DDX47: variants seen among roughly 807,000 people sequenced by gnomAD.
DDX47 encodes probable ATP-dependent RNA helicase DDX47.
Under a neutral mutation model 58.8 loss-of-function variants are expected in DDX47, and 60 were observed. The ratio of observed to expected loss-of-function variants is 1.02; its 90% confidence interval spans 0.83 to 1.26. The LOEUF is 1.26. Ranked by LOEUF, DDX47 falls within the 50% of genes most tolerant of loss-of-function variation. The pLI, the probability that DDX47 is intolerant of heterozygous loss-of-function variation, is 0.00. For missense variants in DDX47, 530 were observed against 573.2 expected (o/e 0.92, Z 0.77); for synonymous variants, 197 against 204.6 (o/e 0.96, Z 0.32).
In DDX47 at chr12:12,827,875, TC is replaced by T. The variant is rs1429973299; in HGVS notation, c.1236+501del. Among the ~76,000 whole-genome samples the T allele has an allele frequency of 3.3e-4, 46 of 139,562 alleles. 1 individual carries two copies. Among genetic ancestry groups the T allele is most frequent in the South Asian group, 2.1e-3 (8 of 3,814 alleles). 91.6% of individuals were successfully genotyped at this position (139,562 alleles called of 152,430 possible). The stretch of plus-strand genomic sequence containing the variant: ...ACCAAGATCCAAAACTTTTCTTTTT[TC>T]TTTTTTTTTTTTTTTTTGAGATGGA... On this transcript the variant is annotated intron_variant, in intron 11 of 11. Transcript: ENST00000358007.
chr12:12,828,685 A>G (rs1287481219), intron 11 of DDX47, among the ~76,000 whole-genome samples: 5 of 152,226 alleles, frequency 3.3e-5, no homozygotes, highest in Admixed American at 6.5e-5. Context: ...AAAGTATTAC[A>G]TGTGCATTGG....
chr12:12,821,792 A>G (rs967692689), intron 4 of DDX47, 66 bp downstream of exon 4: 2 of 1,372,684 alleles, frequency 1.5e-6, no homozygotes, highest in Non-Finnish European at 2.1e-6. Context: ...CCAGTGTTGG[A>G]TAGAAAGACT....
intron 1 of DDX47, 53 bp downstream of exon 1, chr12:12,813,507 G>A (rs1862847070): frequency 3.4e-6 from 5 of 1,477,132 alleles, no homozygotes; most frequent in Non-Finnish European, 4.6e-6. Context: ...TAGGCTCAGG[G>A]AGACCCCAGG....
In DDX47 at chr12:12,818,389, C is replaced by T. The variant is rs144363509; in HGVS notation, c.182-2819C>T. Reference sequence around the variant, plus strand: ...ACAAAAAATTAGCAGGGCGTGGTGACGGGCACCTGTAGTCCCAGCTACTCG... The same window carrying T: ...ACAAAAAATTAGCAGGGCGTGGTGATGGGCACCTGTAGTCCCAGCTACTCG... On this transcript the variant is annotated intron_variant, in intron 2 of 11. Transcript: ENST00000358007. 4.1e-4 allele frequency among the ~76,000 whole-genome samples: 63 copies of T among 152,142 alleles called. No individual in the cohort carries two copies. In the Middle Eastern group the frequency reaches 0.017, roughly 41 times the overall value.
At chr12:12,813,654 CT>C (rs2136416686) in intron 1 of DDX47, 200 bp downstream of exon 1, 1 of 603,570 alleles carries the variant, frequency 1.7e-6, no homozygotes, top group African/African-American at 1.9e-5. Context: ...CTGAGACCCC[CT>C]ATTTGCCCTA....
chr12:12,827,956 A>G, intron 11 of DDX47, among the ~76,000 whole-genome samples: 1 of 143,678 alleles, frequency 7.0e-6, no homozygotes, highest in East Asian at 2.0e-4. Flanking sequence ...GCTCACCACA[A>G]CCTCCGCCTC....
intron 11 of DDX47, among the ~76,000 whole-genome samples, chr12:12,828,815 T>TA (rs1303213551): frequency 6.6e-6 from 1 of 152,258 alleles, no homozygotes; most frequent in African/African-American, 2.4e-5. Flanking sequence ...AATTAGACTT[T>TA]ATCTAATTAT....
chr12:12,822,935 A>G (rs112715839), intron 6 of DDX47, among the ~76,000 whole-genome samples: 2 of 152,330 alleles, frequency 1.3e-5, no homozygotes, highest in African/African-American at 2.4e-5. Flanking sequence ...GAAACTTACA[A>G]TTATGGCAGA....
chr12:12,814,217 C>A lies in DDX47; in HGVS notation c.174C>A (p.Ala58=), dbSNP rs1162203712. 1.2e-6 allele frequency: 2 copies of A among 1,604,546 alleles called. No homozygotes were observed. Among genetic ancestry groups the A allele is most frequent in the Non-Finnish European group, 1.7e-6 (2 of 1,171,398 alleles). ...TKIQIEAIPL[A]LQGRDIIGLA... is the part of the protein sequence containing the mutation. ...TCCAGATTGAAGCTATTCCTTTGGC[C>A]TTACAAGGTAGGTTGTATGACTTCG... Residue 58 remains alanine, a synonymous_variant, in exon 2 of 12, where the codon GCC becomes GCA. Coordinates refer to ENST00000358007, the MANE Select transcript of DDX47 (RefSeq NM_016355.4).
In DDX47 at chr12:12,821,372, G is replaced by A. The variant is rs143564114; in HGVS notation, c.346G>A (p.Gly116Arg). Residue 116 changes from glycine to arginine, a missense_variant, in exon 3 of 12, where the codon GGG (glycine) becomes AGG (arginine). Transcript: ENST00000358007. The stretch of plus-strand genomic sequence containing the variant: ...GATCTCAGAGCAGTTTGAAGCCCTG[G>A]GGTCCTCTATTGGAGTGCAGAGTGG... The part of the protein sequence containing the change: ...FQISEQFEAL[G>R]SSIGVQSAVI... 21 of 1,614,178 alleles carry A rather than the reference G, an allele frequency of 1.3e-5. No homozygotes were observed. The East Asian group carries it at 4.5e-4, about 34-fold the overall frequency.
chr12:12,813,486 T>C lies in DDX47; in HGVS notation c.87+32T>C, dbSNP rs765301054. ...ATGGATGACGCTGGCTTCTTTTATG[T>C]ACTCTGGTGCTAGGCTCAGGGAGAC... On this transcript the variant is annotated intron_variant, in intron 1 of 11. Transcript: ENST00000358007. 3.2e-6 allele frequency: 5 copies of C among 1,568,608 alleles called. No individual in the cohort carries two copies. In the Admixed American group the frequency reaches 9.1e-5, roughly 29 times the overall value.
chr12:12,822,729 G>A lies in DDX47; in HGVS notation c.630G>A (p.Lys210=). ...TCCTCTTCTCTGCCACCATGACCAAGAAGGTGAAATTTGCTAGGACTTTTG... is the reference window on the plus strand; with the variant it reads ...TCCTCTTCTCTGCCACCATGACCAAAAAGGTGAAATTTGCTAGGACTTTTG... The part of the protein sequence containing the change: ...KTFLFSATMT[K]KVQKLQRAAL... The change falls in exon 6 of 12, where the codon AAG becomes AAA. Residue 210 remains lysine (K), a synonymous_variant. Coordinates refer to ENST00000358007, the MANE Select transcript of DDX47 (RefSeq NM_016355.4). 6.2e-7 allele frequency: 1 copy of A among 1,613,396 alleles called. No homozygotes were observed. Among genetic ancestry groups the A allele is most frequent in the South Asian group, 1.1e-5 (1 of 91,050 alleles).
intron 1 of DDX47, 90 bp downstream of exon 1, chr12:12,813,544 A>T: frequency 2.5e-6 from 3 of 1,193,376 alleles, no homozygotes; most frequent in Non-Finnish European, 3.6e-6. Flanking sequence ...CTGATAGTGT[A>T]CAAAAGCATC....
At chr12:12,823,589 AT>A (rs748370025) in intron 7 of DDX47, 53 of 550,826 alleles carry the variant, frequency 9.6e-5, no homozygotes, top group Non-Finnish European at 1.5e-4. Flanking sequence ...TTGTCTGCTT[AT>A]TATGTGGCTT....
Position 12,823,866 on chromosome 12 carries a change from T to G in DDX47, c.751-4T>G. On this transcript the variant is annotated splice_region_variant and splice_polypyrimidine_tract_variant and intron_variant, in intron 7 of 11. Transcript: ENST00000358007. ...ACATATATTGTTTTGGGTTTGTAAC[T>G]TAGGATACCTACCTGGTTTATATTC... The G allele has an allele frequency of 6.2e-7, 1 of 1,613,098 alleles. No individual in the cohort carries two copies. The highest frequency in any genetic ancestry group is 1.1e-5 in the South Asian group (1 of 90,942).
At chr12:12,819,897 A>G (rs1463369812) in intron 2 of DDX47, among the ~76,000 whole-genome samples, 3 of 152,170 alleles carry the variant, frequency 2.0e-5, no homozygotes, top group Non-Finnish European at 2.9e-5. Context: ...AATTACATCC[A>G]ATGTCCCAGT....
chr12:12,824,521 T>C lies in DDX47; in HGVS notation c.898-19T>C. 6.3e-7 allele frequency: 1 copy of C among 1,597,044 alleles called. No homozygotes were observed. Among genetic ancestry groups the C allele is most frequent in the Non-Finnish European group, 8.5e-7 (1 of 1,175,732 alleles). On this transcript the variant is annotated intron_variant, in intron 8 of 11. Coordinates refer to ENST00000358007, the MANE Select transcript of DDX47 (RefSeq NM_016355.4). Reference sequence around the variant, plus strand: ...AAACATAGGTTAAGTTTTCCAACATTTCTTTTTCATTACCTCAGAGTAAGC... The same window carrying C: ...AAACATAGGTTAAGTTTTCCAACATCTCTTTTTCATTACCTCAGAGTAAGC...
chr12:12,829,636 C>G lies in DDX47; in HGVS notation c.*82C>G. The G allele has an allele frequency of 6.6e-7, 1 of 1,514,344 alleles. No individual in the cohort carries two copies. The highest frequency in any genetic ancestry group is 8.9e-7 in the Non-Finnish European group (1 of 1,124,718). The allele number at this position is 1,514,344 out of a possible 1,614,324, so 93.8% of individuals were successfully genotyped here. ...ACCTGCTCCAACAGAGATCATGAGA[C>G]TGAAATTGGTCAGAATTGTGTCCAG... On this transcript the variant is annotated 3_prime_UTR_variant, in exon 12 of 12. Transcript: ENST00000358007.
chr12:12,828,716 A>G (rs1424026722), intron 11 of DDX47, among the ~76,000 whole-genome samples: 1 of 152,246 alleles, frequency 6.6e-6, no homozygotes, highest in Non-Finnish European at 1.5e-5. Flanking sequence ...CAAAAAATAC[A>G]GAAAGGATTA....
Sources: allele counts gnomAD v4.1 joint callset (sites outside exome capture counted in the v4.1 genomes callset), GRCh38; gene constraint gnomAD v4.1.1; transcripts MANE v1.5; gene names NCBI Gene and HGNC (gene_info 2026-07-23, HGNC 2026-07-21).